The following STAG2 variants were observed in gnomAD, a reference collection of about 807,000 sequenced individuals.
STAG2 encodes cohesin subunit SA-2.
A neutral mutation model predicts 108.1 loss-of-function variants in STAG2; 14 were observed. The observed-to-expected ratio is 0.13, with a 90% CI of 0.09 to 0.20. The LOEUF (loss-of-function observed/expected upper bound fraction) is 0.20. Among genes scored for constraint, STAG2 ranks in the 10% least tolerant of loss-of-function variants. The pLI is 1.00. For synonymous variants in STAG2, 307 were observed against 302.7 expected (o/e 1.01, Z -0.15); for missense variants, 440 against 940.9 (o/e 0.47, Z 6.96).
chrX:124,087,796 T>A (rs933047183), intron 30 of STAG2, among the ~76,000 whole-genome samples: 1 of 112,642 alleles, frequency 8.9e-6, no homozygotes, highest in Non-Finnish European at 1.9e-5. Flanking sequence ...GCCATATTTT[T>A]AAATTGCCAC....
At chrX:123,981,931 A>G (rs1473088812) in intron 1 of STAG2, among the ~76,000 whole-genome samples, 1 of 111,809 alleles carries the variant, frequency 8.9e-6, no homozygotes, top group African/African-American at 3.3e-5. Flanking sequence ...TTAAGCCAAA[A>G]GAGACTATAA....
intron 13 of STAG2, among the ~76,000 whole-genome samples, chrX:124,051,791 T>C (rs1056177389): frequency 1.2e-4 from 13 of 110,677 alleles, no homozygotes; most frequent in East Asian, 5.7e-4. Flanking sequence ...GGGGTTTCAC[T>C]GTGTTAGCCA....
chrX:124,056,694 C>G (rs2148270462), intron 14 of STAG2, among the ~76,000 whole-genome samples: 1 of 88,705 alleles, frequency 1.1e-5, no homozygotes, highest in East Asian at 3.8e-4. Context: ...GATTGGGCCA[C>G]TGCACTCCAG....
intron 34 of STAG2, among the ~76,000 whole-genome samples, chrX:124,100,271 T>C (rs2059480561): frequency 9.0e-6 from 1 of 111,571 alleles, no homozygotes; most frequent in South Asian, 3.7e-4. Flanking sequence ...AATACCTATG[T>C]TGAGTGCCTA....
intron 1 of STAG2, among the ~76,000 whole-genome samples, chrX:123,974,736 G>A (rs887304694): frequency 9.2e-6 from 1 of 108,772 alleles, no homozygotes; most frequent in African/African-American, 3.4e-5. Context: ...ATGCCACCAC[G>A]CCTGGCTAAT....
intron 1 of STAG2, among the ~76,000 whole-genome samples, chrX:123,986,056 T>C (rs2147708275): frequency 9.4e-6 from 1 of 105,970 alleles, no homozygotes; most frequent in East Asian, 2.9e-4. Context: ...ATATATATCA[T>C]ATATATGTGT....
intron 25 of STAG2, 46 bp downstream of exon 25, chrX:124,071,369 A>G (rs772710388): frequency 9.6e-7 from 1 of 1,036,579 alleles, no homozygotes; most frequent in South Asian, 2.6e-5. Context: ...CCACCATAAA[A>G]TCAAACTTAA....
At chrX:123,974,129 A>G (rs1472140413) in intron 1 of STAG2, among the ~76,000 whole-genome samples, 1 of 111,676 alleles carries the variant, frequency 9.0e-6, no homozygotes, top group Non-Finnish European at 1.9e-5. Flanking sequence ...TGAGAAAACA[A>G]GCAGAACAAC....
intron 1 of STAG2, among the ~76,000 whole-genome samples, chrX:124,014,364 A>G (rs1364763420): frequency 9.0e-6 from 1 of 110,742 alleles, no homozygotes; most frequent in Non-Finnish European, 1.9e-5. Context: ...ATGTATGTAT[A>G]AAATTTTTTT....
intron 34 of STAG2, among the ~76,000 whole-genome samples, chrX:124,096,183 T>A (rs868340652): frequency 9.4e-6 from 1 of 106,007 alleles, no homozygotes; most frequent in Non-Finnish European, 2.0e-5. Context: ...TTGATTTTTT[T>A]CCCCCCCATT....
chrX:124,050,090 A>G (rs1237637538), intron 10 of STAG2, 96 bp from the exon 11 acceptor site: 1 of 971,118 alleles, frequency 1.0e-6, no homozygotes, highest in Non-Finnish European at 1.4e-6. Flanking sequence ...TGTCATATTC[A>G]TAGTAGATCT....
chrX:124,080,082 A>G (rs2058915840), intron 27 of STAG2, among the ~76,000 whole-genome samples: 2 of 111,501 alleles, frequency 1.8e-5, no homozygotes, highest in Admixed American at 9.6e-5. Flanking sequence ...AAATTTAGCT[A>G]ATTAACATAA....
intron 1 of STAG2, among the ~76,000 whole-genome samples, chrX:123,972,462 G>A (rs1371276284): frequency 9.2e-6 from 1 of 108,111 alleles, no homozygotes; most frequent in Non-Finnish European, 1.9e-5. Flanking sequence ...TAGTAGAGAC[G>A]GGGTTTCACC....
At position 124,065,966 on chromosome X, in the gene STAG2, T is replaced by C; in HGVS notation, c.2096+20T>C. On this transcript the variant is annotated intron_variant, in intron 21 of 34. Transcript: ENST00000371145. The stretch of plus-strand genomic sequence containing the variant: ...TCATAAGTAAGTTGAATTTTGAAGT[T>C]CCTGTTTTCTTAAATCTGTAGAAAT... 3 of 1,132,718 alleles carry C rather than the reference T, an allele frequency of 2.6e-6. No individual in the cohort carries two copies. Among genetic ancestry groups the C allele is most frequent in the Non-Finnish European group, 3.5e-6 (3 of 846,556 alleles). The allele number at this position is 1,132,718 out of a possible 1,213,427, so 93.3% of individuals were successfully genotyped here.
At chrX:124,061,970 T>C in intron 17 of STAG2, 96 bp downstream of exon 17, 1 of 693,940 alleles carries the variant, frequency 1.4e-6, no homozygotes, top group South Asian at 3.7e-5. Context: ...ACAATTTTGT[T>C]TTATTTTTCA....
At chrX:123,996,159 A>G (rs944283458) in intron 1 of STAG2, among the ~76,000 whole-genome samples, 10 of 112,471 alleles carry the variant, frequency 8.9e-5, no homozygotes, top group Admixed American at 1.9e-4. Flanking sequence ...AAAATTACAA[A>G]TGCATATCGC....
chrX:124,091,833 A>G (rs924673206), intron 32 of STAG2, among the ~76,000 whole-genome samples: 14 of 112,667 alleles, frequency 1.2e-4, no homozygotes, highest in Non-Finnish European at 9.4e-5. Flanking sequence ...GTTCAATGCT[A>G]AAAAAATGAA....
chrX:123,992,144 G>C (rs1371346137), intron 1 of STAG2, among the ~76,000 whole-genome samples: 1 of 111,398 alleles, frequency 9.0e-6, no homozygotes, highest in Non-Finnish European at 1.9e-5. Flanking sequence ...AATCCCCCAT[G>C]GATACTGAGG....
At chrX:123,986,917 A>G (rs1479196971) in intron 1 of STAG2, among the ~76,000 whole-genome samples, 1 of 110,470 alleles carries the variant, frequency 9.1e-6, no homozygotes, top group Non-Finnish European at 1.9e-5. Context: ...GGGCTCAAGC[A>G]ATCCTCCCAC....
Sources: gnomAD v4.1 joint callset for allele counts (sites outside exome capture counted in the v4.1 genomes callset) on GRCh38, gnomAD v4.1.1 for gene constraint, MANE v1.5 for transcripts, NCBI Gene and HGNC (gene_info 2026-07-23, HGNC 2026-07-21) for gene names.